The following SLC14A2 variants were observed in gnomAD, a reference collection of about 807,000 sequenced individuals.
SLC14A2 encodes the protein urea transporter 2.
Under a neutral mutation model 104.6 loss-of-function variants are expected in SLC14A2, and 91 were observed. The ratio of observed to expected loss-of-function variants is 0.87; its 90% CI spans 0.73 to 1.04. The LOEUF is 1.04. SLC14A2 is among the 50% of genes least tolerant of loss of function. SLC14A2 has a pLI of 0.00. For synonymous variants in SLC14A2, 476 were observed against 466.4 expected, an observed-to-expected ratio of 1.02 and a Z score of -0.27; for missense variants, 1,189 against 1,156.0, an observed-to-expected ratio of 1.03 and a Z score of -0.41.
rs377054211 is a variant in SLC14A2 at position 45,243,230 on chromosome 18, A to C, written c.-125+30039A>C. ...AAGGCTGAATAGAGGCATGAGAGAT[A>C]ATGAATAATAGTCACGATTATTATT... On this transcript the variant is annotated intron_variant, in intron 1 of 20. Transcript: ENST00000586448. Among the ~76,000 whole-genome samples, 76 of 152,360 alleles carry C rather than the reference A, an allele frequency of 5.0e-4. No individual in the cohort carries two copies. In the South Asian group the frequency reaches 0.015, roughly 30 times the overall value.
rs116825947 is a variant in SLC14A2, at chr18:45,400,116, A to G, written c.-124-83117A>G. ...TTACAAAAAAAGTTGCAAGAACAGG[A>G]TAAGGACATATCGTACACTCCTCAC... On this transcript the variant is annotated intron_variant, in intron 1 of 20. Transcript: ENST00000586448. Among the ~76,000 whole-genome samples, 997 of 152,338 alleles carry G rather than the reference A, an allele frequency of 6.5e-3. 9 individuals carry two copies. The highest frequency in any genetic ancestry group is 0.022 in the African/African-American group (930 of 41,584).
chr18:45,176,834 G>A, the SLC14A2 span, among the ~76,000 whole-genome samples: 1 of 152,076 alleles, frequency 6.6e-6, no homozygotes, highest in South Asian at 2.1e-4. Context: ...CTTTCTTGGA[G>A]ATCTCAAAGA....
At position 45,281,630 on chromosome 18, in the gene SLC14A2, TG is replaced by T. The variant is rs371060743; in HGVS notation, c.-125+68445del. 8.4e-3 allele frequency among the ~76,000 whole-genome samples: 1,282 copies of T among 152,274 alleles called. 16 individuals are homozygous for T. The highest frequency in any genetic ancestry group is 0.029 in the African/African-American group (1,201 of 41,544). ...ATTCTCTCTCTCCTCTCTTGAGGGC[TG>T]GGGGGTGCAATTTAGAAGTATCTCT... On this transcript the variant is annotated intron_variant, in intron 1 of 20. Coordinates refer to the SLC14A2 transcript ENST00000586448.
chr18:45,367,351 C>T (rs888665322), intron 1 of SLC14A2, among the ~76,000 whole-genome samples: 1 of 152,148 alleles, frequency 6.6e-6, no homozygotes, highest in Non-Finnish European at 1.5e-5. Context: ...GAATGAGCGT[C>T]CTTGCCTCCT....
chr18:45,228,624 G>C (rs964485947), intron 1 of SLC14A2, among the ~76,000 whole-genome samples: 1 of 152,074 alleles, frequency 6.6e-6, no homozygotes, highest in Non-Finnish European at 1.5e-5. Flanking sequence ...TCTTAGTTAG[G>C]GGGTGGAAAG....
At chr18:45,252,843 A>G (rs2084437416) in intron 1 of SLC14A2, among the ~76,000 whole-genome samples, 2 of 146,164 alleles carry the variant, frequency 1.4e-5, no homozygotes, top group African/African-American at 5.2e-5. Flanking sequence ...GAGAGGTCAT[A>G]GGAATTAAAA....
chr18:45,530,665 G>A (rs980164949), intron 2 of SLC14A2, among the ~76,000 whole-genome samples: 3 of 151,764 alleles, frequency 2.0e-5, no homozygotes, highest in Admixed American at 6.6e-5. Flanking sequence ...ATGAGCTTTA[G>A]TTATTGAAAA....
At chr18:45,309,052 C>G (rs11082442) in intron 1 of SLC14A2, among the ~76,000 whole-genome samples, 55,735 of 151,996 alleles carry the variant, frequency 0.37, 10,979 homozygotes, top group African/African-American at 0.52. Context: ...GTAGAGTTCA[C>G]CCTCAGTTTT....
chr18:45,278,640 G>A (rs765531062), intron 1 of SLC14A2, among the ~76,000 whole-genome samples: 24 of 152,200 alleles, frequency 1.6e-4, no homozygotes, highest in South Asian at 4.2e-4. Context: ...GGACCCCTAA[G>A]TATACCAAAA....
chr18:45,475,128 G>A (rs144163703), intron 1 of SLC14A2, among the ~76,000 whole-genome samples: 36 of 152,162 alleles, frequency 2.4e-4, no homozygotes, highest in African/African-American at 7.5e-4. Context: ...CCTTAATTTC[G>A]TTATGTACCC....
chr18:45,526,212 C>A (rs1046454205), intron 2 of SLC14A2, among the ~76,000 whole-genome samples: 1 of 152,168 alleles, frequency 6.6e-6, no homozygotes, highest in Non-Finnish European at 1.5e-5. Context: ...ACAGTGACCC[C>A]TCATGGTTTT....
rs1568306346 is a variant in SLC14A2 at position 45,632,476 on chromosome 18, C to T, written c.648C>T (p.Ser216=). The T allele has an allele frequency of 1.2e-6, 2 of 1,613,292 alleles. No individual in the cohort carries two copies. Among genetic ancestry groups the T allele is most frequent in the Non-Finnish European group, 1.7e-6 (2 of 1,179,748 alleles). The change falls in exon 5 of 20, where the codon TCC becomes TCT. Residue 216 remains serine (S), a splice_region_variant and synonymous_variant. Transcript: ENST00000255226. ...LLFPVTFTAM[S]CPVLSSALNS... ...TTCCTGTGACCTTCACAGCCATGTC[C>T]TGGTGAGGCACCTCATTTTTTCTGC... is the stretch of plus-strand genomic sequence containing the variant.
the SLC14A2 span, among the ~76,000 whole-genome samples, chr18:45,173,648 C>A: frequency 9.2e-5 from 14 of 152,054 alleles, no homozygotes; most frequent in Non-Finnish European, 1.8e-4. Flanking sequence ...GTTTTAGAAC[C>A]TGACTTGGAA....
intron 1 of SLC14A2, among the ~76,000 whole-genome samples, chr18:45,293,001 G>A (rs867843059): frequency 1.9e-4 from 28 of 150,594 alleles, no homozygotes; most frequent in Middle Eastern, 3.2e-3. Context: ...CTGCCCCCCC[G>A]CAAAAAAAAA....
chr18:45,641,321 T>C lies in SLC14A2; in HGVS notation c.1104T>C (p.Thr368=), dbSNP rs2045524551. 1 of 1,614,118 alleles carries C rather than the reference T, an allele frequency of 6.2e-7. No homozygotes were observed. Among genetic ancestry groups the C allele is most frequent in the Admixed American group, 1.7e-5 (1 of 60,010 alleles). Reference sequence around the variant, plus strand: ...TGTTCTATGCCCTCACCTGGCAGACTCACCTGCTGGCCCTCATCTGTGGTA... The same window carrying C: ...TGTTCTATGCCCTCACCTGGCAGACCCACCTGCTGGCCCTCATCTGTGGTA... ...GGMFYALTWQ[T]HLLALICALF... is the part of the protein sequence containing the mutation. Residue 368 remains threonine, a synonymous_variant, in exon 8 of 20, where the codon ACT becomes ACC. Transcript: ENST00000255226.
intron 10 of SLC14A2, among the ~76,000 whole-genome samples, chr18:45,653,171 A>C (rs2045769523): frequency 1.3e-5 from 2 of 152,204 alleles, no homozygotes; most frequent in South Asian, 4.2e-4. Context: ...ATCCTGAACT[A>C]GCAACACAAG....
intron 2 of SLC14A2, chr18:45,528,587 C>CAA (rs935722176): frequency 5.9e-5 from 9 of 151,814 alleles, no homozygotes; most frequent in African/African-American, 2.2e-4. Context: ...AACACACACA[C>CAA]ACACACACAC....
chr18:45,495,529 G>T (rs2043080077), intron 2 of SLC14A2, among the ~76,000 whole-genome samples: 1 of 152,166 alleles, frequency 6.6e-6, no homozygotes, highest in African/African-American at 2.4e-5. Flanking sequence ...ACAGATCAGA[G>T]GAGTGGTGAT....
At chr18:45,668,987 C>A (rs2046080983) in intron 15 of SLC14A2, among the ~76,000 whole-genome samples, 1 of 151,726 alleles carries the variant, frequency 6.6e-6, no homozygotes, top group Admixed American at 6.6e-5. Context: ...CTCAAAAAAA[C>A]ATTTGTTGAA....
Sources: gnomAD v4.1 joint callset for allele counts (sites outside exome capture counted in the v4.1 genomes callset) on GRCh38, gnomAD v4.1.1 for gene constraint, MANE v1.5 for transcripts, NCBI Gene and HGNC (gene_info 2026-07-23, HGNC 2026-07-21) for gene names.